NYAP2: variants seen among roughly 807,000 people sequenced by gnomAD.
NYAP2 encodes neuronal tyrosine-phosphorylated phosphoinositide-3-kinase adaptor 2.
NYAP2 carries 23 observed loss-of-function variants against 50.4 expected under a neutral mutation model. The observed-to-expected ratio is 0.46, with a 90% confidence interval of 0.33 to 0.65. The LOEUF is 0.65. Among genes scored for constraint, NYAP2 ranks in the 30% least tolerant of loss-of-function variants. NYAP2 has a pLI of 0.02. For synonymous variants in NYAP2, 394 were observed against 365.2 expected, an observed-to-expected ratio of 1.08 and a Z score of -0.90; for missense variants, 885 against 861.0, an observed-to-expected ratio of 1.03 and a Z score of -0.35.
At chr2:225,546,621 G>A (rs1439285150) in intron 4 of NYAP2, among the ~76,000 whole-genome samples, 1 of 152,078 alleles carries the variant, frequency 6.6e-6, no homozygotes, top group Admixed American at 6.6e-5. Flanking sequence ...GTCCAGAAAT[G>A]CCATCCAAGA....
chr2:225,523,516 G>T (rs1247868551), intron 4 of NYAP2, among the ~76,000 whole-genome samples: 1 of 151,974 alleles, frequency 6.6e-6, no homozygotes, highest in African/African-American at 2.4e-5. Flanking sequence ...CCAAGGTAGT[G>T]AAACATCTCT....
At chr2:225,470,513 T>C (rs1689996443) in intron 3 of NYAP2, among the ~76,000 whole-genome samples, 1 of 152,188 alleles carries the variant, frequency 6.6e-6, no homozygotes, top group South Asian at 2.1e-4. Context: ...TGCTGAAATT[T>C]GTGCCACACT....
chr2:225,642,191 T>C (rs1349831889), intron 6 of NYAP2, among the ~76,000 whole-genome samples: 1 of 152,034 alleles, frequency 6.6e-6, no homozygotes, highest in Non-Finnish European at 1.5e-5. Context: ...GAGCTTAGGA[T>C]AAACCGGGGC....
chr2:225,519,795 G>A (rs895599242), intron 4 of NYAP2, among the ~76,000 whole-genome samples: 2 of 152,174 alleles, frequency 1.3e-5, no homozygotes, highest in Non-Finnish European at 2.9e-5. Flanking sequence ...CCAGTAATGG[G>A]ATGGCTGGGT....
chr2:225,455,600 G>A (rs1302884576), intron 3 of NYAP2, among the ~76,000 whole-genome samples: 2 of 152,172 alleles, frequency 1.3e-5, no homozygotes, highest in Non-Finnish European at 2.9e-5. Flanking sequence ...AATGAGACTA[G>A]TGTATGTAAA....
At chr2:225,632,666 C>G (rs1693342402) in intron 6 of NYAP2, among the ~76,000 whole-genome samples, 3 of 152,034 alleles carry the variant, frequency 2.0e-5, no homozygotes, top group Admixed American at 6.6e-5. Context: ...GAACTGGGAC[C>G]CAAATGCTCA....
chr2:225,423,365 G>A (rs150597643), intron 3 of NYAP2, among the ~76,000 whole-genome samples: 1 of 152,344 alleles, frequency 6.6e-6, no homozygotes, highest in East Asian at 1.9e-4. Context: ...CCCTGTGTAA[G>A]CTGCCTTCAG....
At chr2:225,461,488 A>C (rs551469817) in intron 3 of NYAP2, among the ~76,000 whole-genome samples, 53 of 152,338 alleles carry the variant, frequency 3.5e-4, no homozygotes, top group Admixed American at 5.9e-4. Context: ...TGGTAGTGGA[A>C]GACTGAGTGA....
chr2:225,645,162 G>A (rs549121560), intron 6 of NYAP2, among the ~76,000 whole-genome samples: 8 of 151,418 alleles, frequency 5.3e-5, no homozygotes, highest in Non-Finnish European at 8.8e-5. Flanking sequence ...GAATGCTGAG[G>A]CAAAAGAATC....
chr2:225,638,228 G>A (rs143323527), intron 6 of NYAP2, among the ~76,000 whole-genome samples: 51 of 151,708 alleles, frequency 3.4e-4, no homozygotes, highest in African/African-American at 1.2e-3. Flanking sequence ...GAGACAGAGA[G>A]AGAGAGACAG....
intron 3 of NYAP2, among the ~76,000 whole-genome samples, chr2:225,446,972 C>G (rs965350007): frequency 2.6e-5 from 4 of 151,966 alleles, no homozygotes; most frequent in African/African-American, 9.7e-5. Context: ...TCTCTTTCAC[C>G]GAGAAGCCAA....
At chr2:225,471,225 A>C (rs1690008888) in intron 3 of NYAP2, among the ~76,000 whole-genome samples, 1 of 152,236 alleles carries the variant, frequency 6.6e-6, no homozygotes, top group African/African-American at 2.4e-5. Flanking sequence ...CTGTCAATTT[A>C]AAATCCAGTC....
intron 3 of NYAP2, among the ~76,000 whole-genome samples, chr2:225,479,911 C>T (rs1054545574): frequency 2.8e-4 from 43 of 152,164 alleles, no homozygotes; most frequent in African/African-American, 9.9e-4. Flanking sequence ...ATTGCACCTC[C>T]ATATTCCTCT....
In NYAP2 at chr2:225,582,745, G is replaced by A; in HGVS notation, c.1328G>A (p.Gly443Glu). 2 of 1,613,536 alleles carry A rather than the reference G, an allele frequency of 1.2e-6. No homozygotes were observed. Among genetic ancestry groups the A allele is most frequent in the Non-Finnish European group, 1.7e-6 (2 of 1,179,678 alleles). Residue 443 changes from glycine (G) to glutamate (E), a missense_variant, in exon 5 of 7, where the codon GGG becomes GAG. Physicochemically the swap from Gly to Glu is moderately conservative, Grantham distance 98. Coordinates refer to ENST00000636099, the Ensembl canonical transcript of NYAP2. This position sits in a 1 kb window ranked among gnomAD's most constrained non-coding sequence, Gnocchi z 7.0. Reference sequence around the variant, plus strand: ...ACCTCTCCCTCCCCCGTCAGCATGGGGAGGTCCCTGACTCCCCTGAGCCTC... The same window carrying A: ...ACCTCTCCCTCCCCCGTCAGCATGGAGAGGTCCCTGACTCCCCTGAGCCTC...
intron 3 of NYAP2, among the ~76,000 whole-genome samples, chr2:225,453,366 G>C (rs1023797665): frequency 6.6e-6 from 1 of 152,082 alleles, no homozygotes; most frequent in Non-Finnish European, 1.5e-5. Context: ...AAAAACTTAA[G>C]ATCTAATTCA....
chr2:225,649,681 G>C (rs180905574), intron 6 of NYAP2, among the ~76,000 whole-genome samples: 15 of 152,276 alleles, frequency 9.9e-5, no homozygotes, highest in African/African-American at 3.6e-4. Flanking sequence ...ATCATTTGTT[G>C]TTTAATGTCT....
intron 5 of NYAP2, among the ~76,000 whole-genome samples, chr2:225,595,310 A>C (rs1362420846): frequency 6.6e-6 from 1 of 152,160 alleles, no homozygotes; most frequent in African/African-American, 2.4e-5. Context: ...ATTCTAATGC[A>C]TCTTTTTGTT....
intron 3 of NYAP2, among the ~76,000 whole-genome samples, chr2:225,495,837 A>C (rs1475018168): frequency 6.6e-6 from 1 of 152,242 alleles, no homozygotes; most frequent in South Asian, 2.1e-4. Context: ...AGACTGACCT[A>C]GTAAAGCTAT....
At chr2:225,588,327 T>C (rs1173543985) in intron 5 of NYAP2, among the ~76,000 whole-genome samples, 1 of 152,102 alleles carries the variant, frequency 6.6e-6, no homozygotes, top group Non-Finnish European at 1.5e-5. Flanking sequence ...GATATCATCT[T>C]TGCCTTTTCA....
Sources: gnomAD v4.1 joint callset for allele counts (sites outside exome capture counted in the v4.1 genomes callset) on GRCh38, gnomAD v4.1.1 for gene constraint, Gnocchi (gnomAD v3.1) non-coding constraint, MANE v1.5 for transcripts, NCBI Gene and HGNC (gene_info 2026-07-23, HGNC 2026-07-21) for gene names.